The following NRG1 variants were observed in gnomAD, a reference collection of about 807,000 sequenced individuals.
The protein encoded by NRG1 is pro-neuregulin-1, membrane-bound isoform.
NRG1 carries 18 observed loss-of-function variants against 63.8 expected under a neutral mutation model. The observed-to-expected ratio is 0.28, with a 90% CI of 0.19 to 0.42. NRG1 has a LOEUF of 0.42. Among genes scored for constraint, NRG1 ranks in the 10% least tolerant of loss-of-function variants. The pLI is 1.00. For missense variants in NRG1, 762 were observed against 814.7 expected, an observed-to-expected ratio of 0.94 and a Z score of 0.79; for synonymous variants, 302 against 301.3, an observed-to-expected ratio of 1.00 and a Z score of -0.02.
At chr8:31,841,771 C>A (rs572526434) in intron 1 of NRG1, among the ~76,000 whole-genome samples, 80 of 152,176 alleles carry the variant, frequency 5.3e-4, no homozygotes, top group African/African-American at 1.8e-3. Flanking sequence ...ATACTCATAC[C>A]AGATTGTAAA....
At chr8:32,392,036 C>T (rs1811836718) in intron 1 of NRG1, among the ~76,000 whole-genome samples, 1 of 152,122 alleles carries the variant, frequency 6.6e-6, no homozygotes, top group Admixed American at 6.5e-5. Flanking sequence ...CACTTAATGC[C>T]ACAAGTTACT....
chr8:31,963,195 T>C (rs138011116), intron 1 of NRG1, among the ~76,000 whole-genome samples: 28 of 152,358 alleles, frequency 1.8e-4, no homozygotes, highest in African/African-American at 6.5e-4. Flanking sequence ...TAGTACAGGC[T>C]GTGCCAATGA....
chr8:32,356,474 A>ACCCCCCCCCCCCCCCCCGGCC (rs11426642), intron 1 of NRG1, among the ~76,000 whole-genome samples: 16 of 69,326 alleles, frequency 2.3e-4, no homozygotes, highest in African/African-American at 4.7e-4. Flanking sequence ...CCTTGTTGGG[A>ACCCCCCCCCCCCCCCCCGGCC]CCCCCCCCCC....
intron 1 of NRG1, among the ~76,000 whole-genome samples, chr8:32,045,846 T>C (rs1820911517): frequency 6.6e-6 from 1 of 151,928 alleles, no homozygotes; most frequent in African/African-American, 2.4e-5. Flanking sequence ...CACAAAATTA[T>C]AAAATGTTTA....
intron 1 of NRG1, among the ~76,000 whole-genome samples, chr8:32,475,256 A>G (rs570802163): frequency 4.4e-4 from 67 of 151,972 alleles, no homozygotes; most frequent in Admixed American, 4.6e-4. Flanking sequence ...CACGAGGTCA[A>G]GAGATCGAGA....
intron 1 of NRG1, among the ~76,000 whole-genome samples, chr8:32,418,693 C>A (rs191003851): frequency 2.6e-5 from 4 of 152,050 alleles, no homozygotes; most frequent in African/African-American, 7.2e-5. Flanking sequence ...GTAATATACA[C>A]CTACAAATAA....
intron 1 of NRG1, among the ~76,000 whole-genome samples, chr8:32,557,199 G>T (rs1563640260): frequency 1.3e-5 from 2 of 152,038 alleles, no homozygotes; most frequent in Non-Finnish European, 2.9e-5. Flanking sequence ...AGTAGAGACG[G>T]TGTTTCACTG....
At chr8:32,721,173 A>G (rs1020302773) in intron 5 of NRG1, among the ~76,000 whole-genome samples, 25 of 152,298 alleles carry the variant, frequency 1.6e-4, no homozygotes, top group African/African-American at 5.8e-4. Flanking sequence ...TCTTAGCTAG[A>G]GGTATTTTAC....
Position 32,568,881 on chromosome 8 carries a change from T to C in NRG1, c.100+20055T>C, listed in dbSNP as rs569835025. Among the ~76,000 whole-genome samples, 28 of 145,644 alleles carry C rather than the reference T, an allele frequency of 1.9e-4. 1 individual carries two copies. In the South Asian group the frequency reaches 3.9e-3, roughly 20 times the overall value. On this transcript the variant is annotated intron_variant, in intron 1 of 11. Coordinates refer to ENST00000356819, the Ensembl canonical transcript of NRG1. Reference sequence around the variant, plus strand: ...GCAATATCTTGTTAGTACAGAGAAATAAAACAAACAAACAAAGATTATAAA... The same window carrying C: ...GCAATATCTTGTTAGTACAGAGAAACAAAACAAACAAACAAAGATTATAAA...
intron 1 of NRG1, among the ~76,000 whole-genome samples, chr8:32,182,333 G>T (rs1010604738): frequency 6.6e-6 from 1 of 150,512 alleles, no homozygotes; most frequent in South Asian, 2.1e-4. Context: ...CACAACCTCT[G>T]CCTCCTGGGT....
intron 1 of NRG1, among the ~76,000 whole-genome samples, chr8:32,267,331 C>T (rs530739827): frequency 1.3e-5 from 2 of 152,230 alleles, no homozygotes; most frequent in South Asian, 4.2e-4. Flanking sequence ...GGCCAAAAAT[C>T]CACTATTCTT....
At chr8:32,333,973 C>A (rs1802950592) in intron 1 of NRG1, among the ~76,000 whole-genome samples, 1 of 152,186 alleles carries the variant, frequency 6.6e-6, no homozygotes, top group Non-Finnish European at 1.5e-5. Context: ...TCACCTTTTC[C>A]TAGGTTGAAG....
intron 1 of NRG1, among the ~76,000 whole-genome samples, chr8:32,229,314 T>C (rs930164115): frequency 4.6e-5 from 7 of 152,162 alleles, no homozygotes; most frequent in Non-Finnish European, 1.0e-4. Flanking sequence ...TAGATGTAAA[T>C]ACTCATTTAC....
At chr8:31,924,904 A>G (rs1430769632) in intron 1 of NRG1, among the ~76,000 whole-genome samples, 3 of 151,374 alleles carry the variant, frequency 2.0e-5, no homozygotes, top group Non-Finnish European at 4.4e-5. Context: ...TGATTTGAAG[A>G]TTATGTAGTT....
At chr8:32,171,788 G>C (rs1349229822) in intron 1 of NRG1, among the ~76,000 whole-genome samples, 2 of 152,130 alleles carry the variant, frequency 1.3e-5, no homozygotes, top group Non-Finnish European at 2.9e-5. Context: ...AGGCGGCAGT[G>C]AGGCTGGGGG....
At chr8:31,964,067 G>A (rs1250988425) in intron 1 of NRG1, among the ~76,000 whole-genome samples, 8 of 152,280 alleles carry the variant, frequency 5.3e-5, no homozygotes, top group Admixed American at 1.3e-4. Context: ...ACACCAGTCT[G>A]TAACTCTAGA....
chr8:32,175,019 A>G (rs1192206666), intron 1 of NRG1, among the ~76,000 whole-genome samples: 1 of 152,210 alleles, frequency 6.6e-6, no homozygotes, highest in East Asian at 1.9e-4. Context: ...CCTGGCAGAG[A>G]CATAACAAAT....
rs570241414 is a variant in NRG1 at position 32,246,083 on chromosome 8, A to G, written c.38-349745A>G. 1.2e-4 allele frequency among the ~76,000 whole-genome samples: 18 copies of G among 152,284 alleles called. No individual in the cohort carries two copies. The South Asian group carries it at 3.7e-3, about 32-fold the overall frequency. On this transcript the variant is annotated intron_variant, in intron 1 of 10. Coordinates refer to the NRG1 transcript ENST00000519301. ...GAAGAGTTTTATTGAACCTATGCAA[A>G]TAACTATAATTTTGAAATATAATGA...
At chr8:32,559,971 C>T (rs997200160) in intron 1 of NRG1, among the ~76,000 whole-genome samples, 1 of 151,936 alleles carries the variant, frequency 6.6e-6, no homozygotes, top group South Asian at 2.1e-4. Flanking sequence ...GAGCTGGAAT[C>T]GTGACACCAC....
Sources: gnomAD v4.1 joint callset for allele counts (sites outside exome capture counted in the v4.1 genomes callset) on GRCh38, gnomAD v4.1.1 for gene constraint, MANE v1.5 for transcripts, NCBI Gene and HGNC (gene_info 2026-07-23, HGNC 2026-07-21) for gene names.